Variants in CCL25 observed in about 807,000 individuals in gnomAD.
CCL25 encodes C-C motif chemokine 25.
A neutral mutation model predicts 19.9 loss-of-function variants in CCL25; 14 were observed. The ratio of observed to expected loss-of-function variants is 0.70; its 90% confidence interval spans 0.47 to 1.10. The LOEUF (loss-of-function observed/expected upper bound fraction) is 1.10. CCL25 is among the 50% of genes least tolerant of loss of function. The pLI is 0.00. For missense variants in CCL25, 151 were observed against 181.2 expected (o/e 0.83, Z 0.96); for synonymous variants, 68 against 73.2 (o/e 0.93, Z 0.36).
chr19:8,060,987 T>A (rs2081314514), intron 5 of CCL25, among the ~76,000 whole-genome samples: 2 of 133,118 alleles, frequency 1.5e-5, no homozygotes, highest in South Asian at 5.0e-4. Flanking sequence ...GCCTAATTTT[T>A]TTTTTTTTTT....
chr19:8,060,289 T>G (rs1291317386), intron 5 of CCL25, among the ~76,000 whole-genome samples: 1 of 151,962 alleles, frequency 6.6e-6, no homozygotes, highest in Non-Finnish European at 1.5e-5. Context: ...TGCAGTGAGC[T>G]ATGATCATAC....
Position 8,053,101 on chromosome 19 carries a change from GC to G in CCL25, c.57del (p.Ala20LeufsTer35). The G allele has an allele frequency of 6.4e-7, 1 of 1,556,480 alleles. No individual in the cohort carries two copies. The highest frequency in any genetic ancestry group is 8.7e-7 in the Non-Finnish European group (1 of 1,149,848). The stretch of plus-strand genomic sequence containing the variant: ...GGTGGCCGGCTTCCTGGGAGCCTGG[GC>G]CCCCGCTGTCCACACCCAAGGTACT... ...CLVAGFLGAW[A>X]PAVHTQGVFE... On this transcript the variant is annotated frameshift_variant, in exon 2 of 6. Transcript: ENST00000315626. LOFTEE classifies it high-confidence loss of function.
Position 8,056,507 on chromosome 19 carries a change from A to C in CCL25, c.325+8A>C. The C allele has an allele frequency of 6.2e-7, 1 of 1,614,016 alleles. No individual in the cohort carries two copies. The highest frequency in any genetic ancestry group is 1.1e-5 in the South Asian group (1 of 91,086). ...ACACGCAGACCTTCCAAGGTGGGCA[A>C]GACCTCTGCTGGGCATCTAGGGGGC... On this transcript the variant is annotated splice_region_variant and intron_variant, in intron 4 of 5. Coordinates refer to ENST00000315626, the MANE Select transcript of CCL25 (RefSeq NM_005624.4).
intron 5 of CCL25, 80 bp from the exon 6 acceptor site, chr19:8,062,138 G>A (rs2081322284): frequency 1.4e-6 from 2 of 1,393,988 alleles, no homozygotes; most frequent in African/African-American, 2.8e-5. Context: ...TGTAGGGACT[G>A]GAGGTAGAGA....
Position 8,062,530 on chromosome 19 carries a change from C to T in CCL25, c.*305C>T, listed in dbSNP as rs2081325417. 2.3e-6 allele frequency: 1 copy of T among 430,962 alleles called. No homozygotes were observed. The highest frequency in any genetic ancestry group is 4.2e-6 in the Non-Finnish European group (1 of 237,002). The allele number at this position is 430,962 out of a possible 1,614,324, so 26.7% of individuals were successfully genotyped here. ...CTCACTTTCTGTTTCTTGCCGTCCA[C>T]CCCGGGCCATGCCAGTGTGTCCCTC... is the stretch of plus-strand genomic sequence containing the variant. On this transcript the variant is annotated 3_prime_UTR_variant, in exon 6 of 6. Coordinates refer to ENST00000315626, the MANE Select transcript of CCL25 (RefSeq NM_005624.4).
At chr19:8,056,887 C>T (rs900128859) in intron 4 of CCL25, among the ~76,000 whole-genome samples, 9 of 152,128 alleles carry the variant, frequency 5.9e-5, no homozygotes, top group African/African-American at 9.7e-5. Flanking sequence ...GTGTCACCCA[C>T]GCTGGAGTGC....
intron 5 of CCL25, among the ~76,000 whole-genome samples, chr19:8,060,120 G>C (rs965729869): frequency 6.6e-6 from 1 of 151,168 alleles, no homozygotes; most frequent in Admixed American, 6.6e-5. Flanking sequence ...AAAAAATTGA[G>C]CCCAGGAGTT....
intron 5 of CCL25, among the ~76,000 whole-genome samples, chr19:8,058,577 TATAA>T (rs1164427121): frequency 1.7e-5 from 2 of 115,710 alleles, no homozygotes; most frequent in Non-Finnish European, 3.6e-5. Flanking sequence ...ATATATAATA[TATAA>T]ATATATAATA....
chr19:8,056,298 T>TGGGGGGGGCGGGGGGGGCGGGGGGGGG (rs776194160), intron 3 of CCL25, 29 bp downstream of exon 3: 1 of 423,844 alleles, frequency 2.4e-6, no homozygotes, highest in African/African-American at 3.3e-5. Context: ...GCTGGGGGGG[T>TGGGGGGGGCGGGGGGGGCGGGGGGGGG]GGGGTGCACA....
At chr19:8,059,812 G>A (rs780772788) in intron 5 of CCL25, among the ~76,000 whole-genome samples, 8 of 151,942 alleles carry the variant, frequency 5.3e-5, no homozygotes, top group Non-Finnish European at 8.8e-5. Context: ...CAGGATGGCC[G>A]GGCGCGGTGG....
intron 5 of CCL25, among the ~76,000 whole-genome samples, chr19:8,059,079 T>C (rs111730298): frequency 2.5e-5 from 1 of 39,404 alleles, no homozygotes; most frequent in Non-Finnish European, 6.2e-5. Flanking sequence ...ATATATAATA[T>C]ATATAATATA....
chr19:8,061,483 G>A (rs2081317655), intron 5 of CCL25, among the ~76,000 whole-genome samples: 1 of 152,126 alleles, frequency 6.6e-6, no homozygotes, highest in Non-Finnish European at 1.5e-5. Context: ...ACATAGGAGT[G>A]AAGGATGATT....
chr19:8,059,470 A>G (rs1217096858), intron 5 of CCL25, among the ~76,000 whole-genome samples: 2 of 151,486 alleles, frequency 1.3e-5, no homozygotes, highest in African/African-American at 2.4e-5. Flanking sequence ...AAGTGCTGGG[A>G]TTGCAGGCAT....
In CCL25 at chr19:8,056,367, T is replaced by G; in HGVS notation, c.193T>G (p.Phe65Val). Residue 65 changes from phenylalanine to valine, a missense_variant and splice_region_variant, in exon 4 of 6, where the codon TTC (phenylalanine) becomes GTC (valine). Transcript: ENST00000315626. ...GGCACCCCCCTCTGCTCACCACAGA[T>G]TCTACCTCCCCAAGAGACACAGGAA... is the stretch of plus-strand genomic sequence containing the variant. ...SGSCNLPAAI[F>V]YLPKRHRKVC... The G allele has an allele frequency of 6.2e-7, 1 of 1,613,138 alleles. No individual in the cohort carries two copies. The highest frequency in any genetic ancestry group is 8.5e-7 in the Non-Finnish European group (1 of 1,179,536).
At chr19:8,062,068 AG>A in intron 5 of CCL25, 149 bp from the exon 6 acceptor site, 4 of 604,084 alleles carry the variant, frequency 6.6e-6, no homozygotes, top group Admixed American at 3.2e-5. Flanking sequence ...AAAAAAAAAA[AG>A]TTAGCATAAA....
chr19:8,058,002 A>G (rs2081284494), intron 5 of CCL25, 82 bp downstream of exon 5: 14 of 1,542,932 alleles, frequency 9.1e-6, no homozygotes, highest in Non-Finnish European at 1.2e-5. Context: ...TCACACTGGG[A>G]CAGGAGATTC....
intron 2 of CCL25, among the ~76,000 whole-genome samples, chr19:8,055,285 GAA>G (rs368584418): frequency 1.5e-4 from 14 of 92,756 alleles, no homozygotes; most frequent in East Asian, 3.9e-4. Context: ...TGAGACTCTG[GAA>G]AAAAAAAAAA....
chr19:8,061,940 C>T (rs759043855), intron 5 of CCL25, among the ~76,000 whole-genome samples: 51 of 150,690 alleles, frequency 3.4e-4, no homozygotes, highest in Non-Finnish European at 4.4e-4. Context: ...GTTGCAGCTA[C>T]TAGGGAGGCT....
Position 8,057,769 on chromosome 19 carries a change from G to A in CCL25, c.326-32G>A, listed in dbSNP as rs75610608. The A allele has an allele frequency of 3.0e-3, 4,831 of 1,594,340 alleles. 130 individuals are homozygous for A. In the African/African-American group the frequency reaches 0.055, roughly 18 times the overall value. On this transcript the variant is annotated intron_variant, in intron 4 of 5. Transcript: ENST00000315626. ...CAGGAGCTCAAAGGATGATGGCAGA[G>A]CTCTTGCTTATTTCTCTCTCCATTT...
Sources: allele counts gnomAD v4.1 joint callset (sites outside exome capture counted in the v4.1 genomes callset), GRCh38; gene constraint gnomAD v4.1.1; transcripts MANE v1.5; gene names NCBI Gene and HGNC (gene_info 2026-07-23, HGNC 2026-07-21).